Variants in COL5A2 observed in about 807,000 individuals in gnomAD.
COL5A2 encodes the protein collagen alpha-2(V) chain.
COL5A2 carries 23 observed loss-of-function variants against 208.2 expected under a neutral mutation model. That is an observed-to-expected ratio of 0.11 (90% CI 0.08 to 0.16). The LOEUF (loss-of-function observed/expected upper bound fraction) is 0.16, where lower values mean the gene tolerates loss of function less well. COL5A2 is among the 10% of genes least tolerant of loss of function. The pLI is 1.00. For missense variants in COL5A2, 1,590 were observed against 1,956.4 expected, an observed-to-expected ratio of 0.81 and a Z score of 3.53; for synonymous variants, 625 against 628.5, an observed-to-expected ratio of 0.99 and a Z score of 0.08.
chr2:189,320,860 A>T, the COL5A2 span, among the ~76,000 whole-genome samples: 1 of 152,176 alleles, frequency 6.6e-6, no homozygotes, highest in Non-Finnish European at 1.5e-5. Flanking sequence ...AAGACACATA[A>T]TTGTCAGATT....
intron 1 of COL5A2, among the ~76,000 whole-genome samples, chr2:189,150,047 G>A (rs957735977): frequency 6.6e-6 from 1 of 152,138 alleles, no homozygotes; most frequent in Admixed American, 6.5e-5. Flanking sequence ...GTGACCCTCA[G>A]TTGTTATGGT....
At position 189,057,442 on chromosome 2, in the gene COL5A2, C is replaced by T. The variant is rs1241258524; in HGVS notation, c.2230-15G>A. On this transcript the variant is annotated splice_polypyrimidine_tract_variant and intron_variant, in intron 33 of 53. Coordinates refer to ENST00000374866, the MANE Select transcript of COL5A2 (RefSeq NM_000393.5). ...CCTGGACTGCCCTAAAATGAACCAA[C>T]ATTAAGTGACCATACCAATAATATT... is the stretch of plus-strand genomic sequence containing the variant. 16 of 1,544,612 alleles carry T rather than the reference C, an allele frequency of 1.0e-5. No individual in the cohort carries two copies. The highest frequency in any genetic ancestry group is 1.4e-5 in the Non-Finnish European group (16 of 1,116,792).
chr2:189,405,732 C>T, the COL5A2 span, among the ~76,000 whole-genome samples: 1 of 152,170 alleles, frequency 6.6e-6, no homozygotes, highest in African/African-American at 2.4e-5. Context: ...TGATTTATGT[C>T]ATGCTCACAG....
At chr2:189,251,776 T>C in the COL5A2 span, among the ~76,000 whole-genome samples, 15 of 151,280 alleles carry the variant, frequency 9.9e-5, no homozygotes, top group East Asian at 1.8e-3. Flanking sequence ...CTAATTAAAC[T>C]AAAGAGCTTC....
At chr2:189,377,632 C>G in the COL5A2 span, among the ~76,000 whole-genome samples, 4 of 152,220 alleles carry the variant, frequency 2.6e-5, no homozygotes, top group African/African-American at 9.7e-5. Context: ...AATCTCCCTA[C>G]TCCATTATCA....
At chr2:189,171,440 G>C (rs1688571906) in intron 1 of COL5A2, among the ~76,000 whole-genome samples, 1 of 152,210 alleles carries the variant, frequency 6.6e-6, no homozygotes, top group Admixed American at 6.5e-5. Flanking sequence ...CTGAGGGATA[G>C]ATGATGAGGG....
the COL5A2 span, among the ~76,000 whole-genome samples, chr2:189,312,177 G>T: frequency 5.3e-5 from 8 of 151,982 alleles, no homozygotes; most frequent in African/African-American, 1.9e-4. Context: ...TCTGACCTGG[G>T]GTCCCTTCTT....
intron 1 of COL5A2, among the ~76,000 whole-genome samples, chr2:189,136,105 T>C (rs923234572): frequency 2.6e-5 from 4 of 152,204 alleles, no homozygotes; most frequent in African/African-American, 9.6e-5. Context: ...AAAGCTCTGT[T>C]TTCTCAGCAC....
At chr2:189,059,724 G>A (rs1305144761) in intron 31 of COL5A2, among the ~76,000 whole-genome samples, 100 of 150,332 alleles carry the variant, frequency 6.7e-4, no homozygotes, top group Admixed American at 6.6e-3. Context: ...AGCCTCCCAA[G>A]TAGCTGGGAA....
chr2:189,063,952 G>A, intron 26 of COL5A2, 28 bp downstream of exon 26: 1 of 1,580,154 alleles, frequency 6.3e-7, no homozygotes, highest in Middle Eastern at 1.7e-4. Flanking sequence ...AATATTAGTG[G>A]TTGTGGACTT....
At chr2:189,043,729 CA>C (rs1685607512) in intron 47 of COL5A2, among the ~76,000 whole-genome samples, 1 of 152,160 alleles carries the variant, frequency 6.6e-6, no homozygotes, top group African/African-American at 2.4e-5. Context: ...CTGGCTATGA[CA>C]GCTGCAACTA....
At chr2:189,361,754 A>C in the COL5A2 span, among the ~76,000 whole-genome samples, 2 of 151,872 alleles carry the variant, frequency 1.3e-5, no homozygotes, top group Non-Finnish European at 2.9e-5. Flanking sequence ...TTGATTCTAC[A>C]CTATTTATTT....
At chr2:189,308,893 C>T in the COL5A2 span, among the ~76,000 whole-genome samples, 1 of 152,164 alleles carries the variant, frequency 6.6e-6, no homozygotes, top group African/African-American at 2.4e-5. Flanking sequence ...CCACCTTGGG[C>T]ACATGTTTTC....
chr2:189,431,191 AC>A, the COL5A2 span, among the ~76,000 whole-genome samples: 14 of 152,222 alleles, frequency 9.2e-5, no homozygotes, highest in Non-Finnish European at 1.9e-4. Context: ...TCTGTAGGTC[AC>A]CAACATCAAA....
the COL5A2 span, among the ~76,000 whole-genome samples, chr2:189,426,665 T>G: frequency 6.6e-6 from 1 of 152,222 alleles, no homozygotes; most frequent in Non-Finnish European, 1.5e-5. Context: ...GTCTCAGATT[T>G]TCAGGGTTCA....
chr2:189,064,508 C>T, intron 25 of COL5A2, 49 bp downstream of exon 25: 1 of 1,308,416 alleles, frequency 7.6e-7, no homozygotes, highest in Non-Finnish European at 1.1e-6. Flanking sequence ...AATGCATGCT[C>T]AGGAGCACTT....
At chr2:189,348,056 T>A in the COL5A2 span, among the ~76,000 whole-genome samples, 1 of 150,954 alleles carries the variant, frequency 6.6e-6, no homozygotes, top group Admixed American at 6.6e-5. Context: ...AAAAAAAAAA[T>A]AAAAGTCCAA....
intron 1 of COL5A2, among the ~76,000 whole-genome samples, chr2:189,132,144 A>C (rs1687727932): frequency 6.6e-6 from 1 of 152,172 alleles, no homozygotes; most frequent in Non-Finnish European, 1.5e-5. Flanking sequence ...AAGTTCTCTG[A>C]CCTCAAGTGG....
At chr2:189,083,022 T>G (rs1423515073) in intron 12 of COL5A2, among the ~76,000 whole-genome samples, 2 of 152,150 alleles carry the variant, frequency 1.3e-5, no homozygotes, top group African/African-American at 4.8e-5. Context: ...TTAAAACATT[T>G]CCTAGCATTG....
Sources: gnomAD v4.1 joint callset for allele counts (sites outside exome capture counted in the v4.1 genomes callset) on GRCh38, gnomAD v4.1.1 for gene constraint, MANE v1.5 for transcripts, NCBI Gene and HGNC (gene_info 2026-07-23, HGNC 2026-07-21) for gene names.